Variants in PCDH15 observed in about 807,000 individuals in gnomAD.
PCDH15 encodes protocadherin related 15.
In PCDH15, 129 loss-of-function variants were observed where a neutral mutation model predicts 178.5. The ratio of observed to expected loss-of-function variants is 0.72; its 90% CI spans 0.63 to 0.84. PCDH15 has a LOEUF of 0.84. Among genes scored for constraint, PCDH15 ranks in the 40% least tolerant of loss-of-function variants. The pLI is 0.00. For missense variants in PCDH15, 2,230 were observed against 2,099.9 expected (o/e 1.06, Z -1.21); for synonymous variants, 800 against 732.0 (o/e 1.09, Z -1.50).
intron 1 of PCDH15, among the ~76,000 whole-genome samples, chr10:54,790,926 A>T (rs1430245228): frequency 6.6e-6 from 1 of 151,916 alleles, no homozygotes; most frequent in Non-Finnish European, 1.5e-5. Flanking sequence ...ATATAATTTT[A>T]AAAAAGCAAA....
chr10:55,603,120 C>T (rs912782066), intron 2 of PCDH15, among the ~76,000 whole-genome samples: 1 of 151,934 alleles, frequency 6.6e-6, no homozygotes, highest in Non-Finnish European at 1.5e-5. Context: ...AAGCAATCAA[C>T]TGGAAGAAAG....
intron 13 of PCDH15, among the ~76,000 whole-genome samples, chr10:54,165,513 A>G (rs778421430): frequency 1.3e-5 from 2 of 152,146 alleles, no homozygotes; most frequent in African/African-American, 2.4e-5. Context: ...CAGCAACTTC[A>G]TGATCCTTTT....
chr10:54,853,688 AC>A (rs1953685673), intron 3 of PCDH15, among the ~76,000 whole-genome samples: 1 of 152,110 alleles, frequency 6.6e-6, no homozygotes, highest in South Asian at 2.1e-4. Flanking sequence ...TGGCAGCAAA[AC>A]TTGAACTGAA....
chr10:55,002,902 C>T (rs2131932213), intron 2 of PCDH15, among the ~76,000 whole-genome samples: 1 of 152,258 alleles, frequency 6.6e-6, no homozygotes, highest in East Asian at 1.9e-4. Flanking sequence ...TTCATCTGAA[C>T]TTTAATAGCA....
At chr10:55,218,314 T>A (rs1483207789) in intron 1 of PCDH15, among the ~76,000 whole-genome samples, 1 of 151,966 alleles carries the variant, frequency 6.6e-6, no homozygotes, top group African/African-American at 2.4e-5. Flanking sequence ...GTACATTGTA[T>A]ATTAAATACA....
intron 15 of PCDH15, among the ~76,000 whole-genome samples, chr10:54,123,244 C>G (rs1395373557): frequency 2.0e-5 from 3 of 152,002 alleles, no homozygotes; most frequent in Admixed American, 1.3e-4. Context: ...ACCTACAGAA[C>G]AGGAGAGAAT....
At chr10:54,479,412 A>G (rs1023181294) in intron 3 of PCDH15, among the ~76,000 whole-genome samples, 1 of 152,150 alleles carries the variant, frequency 6.6e-6, no homozygotes, top group Non-Finnish European at 1.5e-5. Context: ...GTAATTTAAT[A>G]TAATATCTTT....
intron 2 of PCDH15, among the ~76,000 whole-genome samples, chr10:54,961,305 T>A (rs942624670): frequency 1.3e-5 from 2 of 152,172 alleles, no homozygotes; most frequent in East Asian, 3.9e-4. Context: ...TGCTGACGAG[T>A]GTGGGAGGGA....
At chr10:55,290,605 T>C (rs1295148126) in intron 1 of PCDH15, among the ~76,000 whole-genome samples, 2 of 152,114 alleles carry the variant, frequency 1.3e-5, no homozygotes, top group African/African-American at 4.8e-5. Flanking sequence ...TAATACCTAA[T>C]ACCACTGTAT....
At chr10:55,140,190 G>T (rs7909419) in intron 2 of PCDH15, among the ~76,000 whole-genome samples, 138,801 of 151,908 alleles carry the variant, frequency 0.91, 63,879 homozygotes, top group Non-Finnish European at 0.97. Context: ...TTCTTTAAGA[G>T]TTTCCATATA....
chr10:55,457,390 C>T (rs1426968144), intron 2 of PCDH15, among the ~76,000 whole-genome samples: 1 of 151,802 alleles, frequency 6.6e-6, no homozygotes, highest in East Asian at 1.9e-4. Flanking sequence ...TTTTTGTGTA[C>T]CAGATCATGT....
intron 1 of PCDH15, among the ~76,000 whole-genome samples, chr10:55,233,374 G>C (rs1033399889): frequency 6.6e-6 from 1 of 152,066 alleles, no homozygotes; most frequent in Non-Finnish European, 1.5e-5. Context: ...ATAATTAGAT[G>C]CTTTACTGCT....
intron 27 of PCDH15, among the ~76,000 whole-genome samples, chr10:53,857,801 C>A (rs1420958524): frequency 6.6e-6 from 1 of 151,892 alleles, no homozygotes; most frequent in Non-Finnish European, 1.5e-5. Context: ...GTTAAATGAG[C>A]TAATTTAATG....
intron 2 of PCDH15, among the ~76,000 whole-genome samples, chr10:55,613,724 A>T (rs1181132334): frequency 1.3e-5 from 2 of 152,204 alleles, no homozygotes; most frequent in East Asian, 1.9e-4. Flanking sequence ...ACTCTCTAGA[A>T]AGTCATAGCC....
In PCDH15 at chr10:55,387,099, C is replaced by T. The variant is rs577893372; in HGVS notation, c.-155-220448G>A. ...TTATTTGATTTTTTAAAATATCGTG[C>T]CATTATTTTTGAACTAAAGTAAGAA... is the stretch of plus-strand genomic sequence containing the variant. On this transcript the variant is annotated intron_variant, in intron 2 of 5. Transcript: ENST00000613346. 1.6e-4 allele frequency among the ~76,000 whole-genome samples: 25 copies of T among 152,128 alleles called. 1 individual carries two copies. The highest frequency in any genetic ancestry group is 2.9e-4 in the Non-Finnish European group (20 of 67,982).
intron 2 of PCDH15, among the ~76,000 whole-genome samples, chr10:55,505,907 A>G (rs754397463): frequency 6.6e-6 from 1 of 151,470 alleles, no homozygotes; most frequent in Non-Finnish European, 1.5e-5. Context: ...TTAACTAAGT[A>G]AAGAGATTGA....
chr10:55,580,706 C>T (rs1842597646), intron 2 of PCDH15, among the ~76,000 whole-genome samples: 1 of 152,156 alleles, frequency 6.6e-6, no homozygotes, highest in South Asian at 2.1e-4. Context: ...TGTTCATACA[C>T]ATCTATGAAA....
intron 2 of PCDH15, among the ~76,000 whole-genome samples, chr10:55,534,551 T>G (rs547002512): frequency 6.6e-6 from 1 of 152,036 alleles, no homozygotes; most frequent in Non-Finnish European, 1.5e-5. Flanking sequence ...ATGGCTATTA[T>G]GAAAAAGTTA....
intron 2 of PCDH15, among the ~76,000 whole-genome samples, chr10:55,381,594 C>A (rs1588971928): frequency 6.6e-6 from 1 of 151,922 alleles, no homozygotes; most frequent in East Asian, 1.9e-4. Flanking sequence ...CTGTCTAAGC[C>A]CATGATGGGA....
Sources: allele counts gnomAD v4.1 joint callset (sites outside exome capture counted in the v4.1 genomes callset), GRCh38; gene constraint gnomAD v4.1.1; transcripts MANE v1.5; gene names NCBI Gene and HGNC (gene_info 2026-07-23, HGNC 2026-07-21).